The following TUT4 variants were observed in gnomAD, a reference collection of about 807,000 sequenced individuals.
TUT4 encodes terminal uridylyltransferase 4.
In TUT4, 36 loss-of-function variants were observed where a neutral mutation model predicts 192.2. That is an observed-to-expected ratio of 0.19 (90% CI 0.14 to 0.25). The LOEUF (loss-of-function observed/expected upper bound fraction) is 0.25. Ranked by LOEUF, TUT4 falls within the 10% of genes least tolerant of loss-of-function variation. TUT4 has a pLI of 1.00. For synonymous variants in TUT4, 618 were observed against 666.0 expected (o/e 0.93, Z 1.11); for missense variants, 1,493 against 1,957.2 (o/e 0.76, Z 4.47).
chr1:52,423,712 T>C lies in TUT4; in HGVS notation c.*223A>G. 2 of 1,062,984 alleles carry C rather than the reference T, an allele frequency of 1.9e-6. No individual in the cohort carries two copies. Among genetic ancestry groups the C allele is most frequent in the Non-Finnish European group, 2.6e-6 (2 of 762,770 alleles). The allele number at this position is 1,062,984 out of a possible 1,614,324, so 65.8% of individuals were successfully genotyped here. ...TGATACTAGTAAAAACTATAGTTCATATTTATATACAAATAATACAGTCTG... is the reference window on the plus strand; with the variant it reads ...TGATACTAGTAAAAACTATAGTTCACATTTATATACAAATAATACAGTCTG... On this transcript the variant is annotated 3_prime_UTR_variant, in exon 30 of 30. Coordinates refer to ENST00000257177, the MANE Select transcript of TUT4 (RefSeq NM_001009881.3).
chr1:52,486,346 C>G (rs1030465610), intron 9 of TUT4, among the ~76,000 whole-genome samples: 1 of 152,098 alleles, frequency 6.6e-6, no homozygotes, highest in Non-Finnish European at 1.5e-5. Context: ...GTTCTGCCAC[C>G]TAGAGTTAAG....
chr1:52,509,179 T>C (rs901834317), intron 4 of TUT4, among the ~76,000 whole-genome samples: 1 of 152,230 alleles, frequency 6.6e-6, no homozygotes, highest in South Asian at 2.1e-4. Flanking sequence ...AATATCTTCA[T>C]ACACCTCCTT....
At chr1:52,425,328 C>A (rs1649485466) in intron 29 of TUT4, 21 bp downstream of exon 29, 7 of 1,608,352 alleles carry the variant, frequency 4.4e-6, no homozygotes, top group Non-Finnish European at 6.0e-6. Context: ...AGCCTGTTAA[C>A]TAATTTGTAA....
intron 1 of TUT4, among the ~76,000 whole-genome samples, chr1:52,537,688 G>T (rs1316188147): frequency 6.6e-6 from 1 of 151,786 alleles, no homozygotes; most frequent in Non-Finnish European, 1.5e-5. Flanking sequence ...CAGGGCAGGT[G>T]GATCACCTGA....
At chr1:52,439,111 C>T (rs1354729062) in intron 24 of TUT4, among the ~76,000 whole-genome samples, 1 of 149,070 alleles carries the variant, frequency 6.7e-6, no homozygotes, top group Non-Finnish European at 1.5e-5. Flanking sequence ...CCCAGCTACT[C>T]AGGAGGCTGA....
intron 5 of TUT4, 70 bp from the exon 6 acceptor site, chr1:52,495,585 G>T: frequency 1.7e-6 from 2 of 1,204,292 alleles, no homozygotes; most frequent in East Asian, 2.4e-5. Flanking sequence ...AAACAGCGAC[G>T]GGAAAATTTC....
intron 1 of TUT4, among the ~76,000 whole-genome samples, chr1:52,541,168 G>T: frequency 6.9e-6 from 1 of 144,286 alleles, no homozygotes; most frequent in Non-Finnish European, 1.5e-5. Flanking sequence ...AAGATCACGC[G>T]ACTGCACTCC....
chr1:52,455,340 C>T (rs1000401893), intron 20 of TUT4, among the ~76,000 whole-genome samples: 5 of 151,992 alleles, frequency 3.3e-5, no homozygotes, highest in South Asian at 2.1e-4. Context: ...AAAGTAATTG[C>T]GGTTTTGCCA....
chr1:52,447,601 CAAGAA>C (rs1657950292), intron 20 of TUT4, among the ~76,000 whole-genome samples: 1 of 151,934 alleles, frequency 6.6e-6, no homozygotes, highest in Non-Finnish European at 1.5e-5. Flanking sequence ...GCTATTTTTA[CAAGAA>C]AAGTATCCCG....
rs1347789306 is a variant in TUT4 at position 52,515,856 on chromosome 1, AT to A, written c.882+34del. 1.9e-6 allele frequency: 3 copies of A among 1,612,172 alleles called. No homozygotes were observed. The Admixed American group carries it at 5.0e-5, about 27-fold the overall frequency. ...TGGGGAAAACAGTTATGAAACACAC[AT>A]TTCCCCCCAAATAACTAAAACAACA... On this transcript the variant is annotated intron_variant, in intron 3 of 29. Coordinates refer to ENST00000257177, the MANE Select transcript of TUT4 (RefSeq NM_001009881.3).
intron 24 of TUT4, among the ~76,000 whole-genome samples, chr1:52,441,466 T>C (rs1655547013): frequency 6.9e-6 from 1 of 144,406 alleles, no homozygotes; most frequent in South Asian, 2.2e-4. Flanking sequence ...TTTTTTTTTT[T>C]GTATTTTTAG....
chr1:52,493,019 A>G (rs2149105442), intron 7 of TUT4, among the ~76,000 whole-genome samples: 1 of 152,324 alleles, frequency 6.6e-6, no homozygotes, highest in Non-Finnish European at 1.5e-5. Flanking sequence ...AGAAATGCCC[A>G]TAATATTCAA....
chr1:52,461,462 G>T, intron 18 of TUT4, 51 bp downstream of exon 18: 1 of 1,519,704 alleles, frequency 6.6e-7, no homozygotes. Flanking sequence ...TCAGTAATCT[G>T]TAAACTTTTA....
chr1:52,540,358 G>C (rs1217600671), intron 1 of TUT4, among the ~76,000 whole-genome samples: 2 of 151,322 alleles, frequency 1.3e-5, no homozygotes, highest in Non-Finnish European at 2.9e-5. Context: ...CTACTAAAAA[G>C]ACAAAAAAAT....
In TUT4 at chr1:52,474,886, G is replaced by A. The variant is rs779870625; in HGVS notation, c.2673C>T (p.Leu891=). 13 of 1,613,558 alleles carry A rather than the reference G, an allele frequency of 8.1e-6. No homozygotes were observed. Among genetic ancestry groups the A allele is most frequent in the Admixed American group, 1.7e-5 (1 of 59,974 alleles). Residue 891 remains leucine (L), a synonymous_variant, in exon 13 of 30, where the codon CTC becomes CTT. Coordinates refer to ENST00000257177, the MANE Select transcript of TUT4 (RefSeq NM_001009881.3). ...DASDLNDDDN[L]PTQELYYVFD... is the part of the protein sequence containing the mutation. ...ACACATAATATAATTCCTGGGTGGG[G>A]AGGTTATCATCATCATTAAGGTCAG... is the stretch of plus-strand genomic sequence containing the variant.
At position 52,491,713 on chromosome 1, in the gene TUT4, C is replaced by CA. The variant is rs543745477; in HGVS notation, c.1319-913dup. Among the ~76,000 whole-genome samples, 218 of 149,846 alleles carry CA rather than the reference C, an allele frequency of 1.5e-3. 1 individual carries two copies. The highest frequency in any genetic ancestry group is 2.3e-3 in the Non-Finnish European group (158 of 67,456). The stretch of plus-strand genomic sequence containing the variant: ...ATAAACAAAACAAAAATAACAACAA[C>CA]AAAAAAAAACCAGATAGATTAACAT... On this transcript the variant is annotated intron_variant, in intron 7 of 29. Transcript: ENST00000257177.
chr1:52,492,848 A>G (rs1396926222), intron 7 of TUT4, among the ~76,000 whole-genome samples: 1 of 152,228 alleles, frequency 6.6e-6, no homozygotes, highest in East Asian at 1.9e-4. Context: ...ACTAGGTATG[A>G]TTCAACTGAT....
chr1:52,449,808 C>T (rs888991416), intron 20 of TUT4, among the ~76,000 whole-genome samples: 1 of 152,150 alleles, frequency 6.6e-6, no homozygotes, highest in Non-Finnish European at 1.5e-5. Flanking sequence ...TCCCTGGCAA[C>T]CACCACTCTA....
At chr1:52,428,270 G>A (rs1020133129) in intron 28 of TUT4, among the ~76,000 whole-genome samples, 10 of 151,872 alleles carry the variant, frequency 6.6e-5, no homozygotes, top group African/African-American at 2.4e-4. Context: ...GGCGGATCAT[G>A]AGGTCAAGAG....
Sources: allele counts gnomAD v4.1 joint callset (sites outside exome capture counted in the v4.1 genomes callset), GRCh38; gene constraint gnomAD v4.1.1; transcripts MANE v1.5; gene names NCBI Gene and HGNC (gene_info 2026-07-23, HGNC 2026-07-21).